Variants in GFRA1 observed in about 807,000 individuals in gnomAD.
The protein encoded by GFRA1 is GDNF family receptor alpha-1.
A neutral mutation model predicts 51.6 loss-of-function variants in GFRA1; 16 were observed. The ratio of observed to expected loss-of-function variants is 0.31; its 90% CI spans 0.21 to 0.47. The LOEUF is 0.47. Ranked by LOEUF, GFRA1 falls within the 20% of genes least tolerant of loss-of-function variation. The probability of loss-of-function intolerance (pLI) is 1.00; values close to 1 mark genes in which losing one functional copy is unlikely to be tolerated. For synonymous variants in GFRA1, 270 were observed against 241.3 expected (o/e 1.12, Z -1.10); for missense variants, 530 against 594.3 (o/e 0.89, Z 1.13).
intron 5 of GFRA1, among the ~76,000 whole-genome samples, chr10:116,175,208 C>T (rs761157916): frequency 1.7e-4 from 26 of 152,316 alleles, no homozygotes; most frequent in Middle Eastern, 3.4e-3. Context: ...CTGCGGCAGC[C>T]GGCAGAAATG....
intron 5 of GFRA1, among the ~76,000 whole-genome samples, chr10:116,189,791 G>C (rs1050949971): frequency 6.6e-6 from 1 of 152,028 alleles, no homozygotes; most frequent in Non-Finnish European, 1.5e-5. Context: ...CTTAGCCAAA[G>C]ACAGAATTTT....
chr10:116,139,325 G>T (rs140763075), intron 5 of GFRA1, among the ~76,000 whole-genome samples: 2,648 of 152,254 alleles, frequency 0.017, 34 homozygotes, highest in Middle Eastern at 0.058. Flanking sequence ...AGATCCCAGG[G>T]CTAAATGAGA....
intron 4 of GFRA1, among the ~76,000 whole-genome samples, chr10:116,242,865 C>A (rs1967520093): frequency 6.6e-6 from 1 of 152,098 alleles, no homozygotes. Context: ...AATATGTTTT[C>A]TTTCTTTTTT....
intron 4 of GFRA1, among the ~76,000 whole-genome samples, chr10:116,259,686 C>T (rs753932545): frequency 6.6e-6 from 1 of 152,120 alleles, no homozygotes; most frequent in Non-Finnish European, 1.5e-5. Context: ...TAGATAGCTC[C>T]TTCTAAATAA....
In GFRA1 at chr10:116,170,356, A is replaced by G. The variant is rs551148845; in HGVS notation, c.433+41275T>C. ...CTCTCTCTGGGTTACACTACTCACA[A>G]ATGTCTTCTCTTTACTTTCAAGTTC... On this transcript the variant is annotated intron_variant, in intron 5 of 10. Coordinates refer to ENST00000355422, the MANE Select transcript of GFRA1 (RefSeq NM_005264.8). Among the ~76,000 whole-genome samples the G allele has an allele frequency of 2.6e-5, 4 of 152,326 alleles. No individual in the cohort carries two copies. In the East Asian group the frequency reaches 5.8e-4, roughly 22 times the overall value.
chr10:116,124,636 A>T (rs1436914435), intron 6 of GFRA1, among the ~76,000 whole-genome samples: 1 of 152,190 alleles, frequency 6.6e-6, no homozygotes, highest in Non-Finnish European at 1.5e-5. Context: ...GCTTTCAACA[A>T]CATCATCCAG....
intron 9 of GFRA1, among the ~76,000 whole-genome samples, chr10:116,073,090 A>G (rs1265932843): frequency 2.6e-5 from 4 of 152,224 alleles, no homozygotes; most frequent in African/African-American, 7.2e-5. Flanking sequence ...TCAAAAATGA[A>G]TGCAATGAAA....
intron 9 of GFRA1, among the ~76,000 whole-genome samples, chr10:116,082,480 T>TTTTTTTTG (rs1955894000): frequency 1.4e-5 from 1 of 71,442 alleles, no homozygotes; most frequent in African/African-American, 2.9e-4. Flanking sequence ...GTTTTTTTTG[T>TTTTTTTTG]TTTTTTTTTG....
chr10:116,180,085 G>A (rs73370454), intron 5 of GFRA1, among the ~76,000 whole-genome samples: 2,827 of 152,252 alleles, frequency 0.019, 91 homozygotes, highest in African/African-American at 0.065. Flanking sequence ...TCCAAACCAT[G>A]CCAGTCAGCA....
intron 4 of GFRA1, among the ~76,000 whole-genome samples, chr10:116,242,300 G>A (rs1967456610): frequency 6.6e-6 from 1 of 152,146 alleles, no homozygotes; most frequent in South Asian, 2.1e-4. Context: ...CAAGTTTAAA[G>A]TTTTGGAAGC....
At chr10:116,142,094 C>T (rs1359418301) in intron 5 of GFRA1, among the ~76,000 whole-genome samples, 2 of 151,094 alleles carry the variant, frequency 1.3e-5, no homozygotes, top group African/African-American at 2.4e-5. Context: ...TCCATTAGTA[C>T]GAATGGTTGC....
intron 5 of GFRA1, among the ~76,000 whole-genome samples, chr10:116,129,005 A>C (rs929810423): frequency 6.6e-6 from 1 of 152,182 alleles, no homozygotes; most frequent in East Asian, 1.9e-4. Context: ...AACTCTTGCC[A>C]GAGCACCATC....
intron 5 of GFRA1, among the ~76,000 whole-genome samples, chr10:116,189,105 A>AT (rs910852462): frequency 2.6e-5 from 4 of 151,486 alleles, no homozygotes; most frequent in Non-Finnish European, 4.4e-5. Context: ...AAAAAAAAAA[A>AT]AAAAAAAGTA....
intron 4 of GFRA1, among the ~76,000 whole-genome samples, chr10:116,242,693 G>A (rs1034596767): frequency 6.6e-6 from 1 of 151,972 alleles, no homozygotes; most frequent in Non-Finnish European, 1.5e-5. Context: ...TGTTGGCCAG[G>A]CTGGTCTTGA....
intron 5 of GFRA1, among the ~76,000 whole-genome samples, chr10:116,142,781 A>G (rs371704985): frequency 1.0e-3 from 152 of 152,356 alleles, no homozygotes; most frequent in African/African-American, 3.5e-3. Flanking sequence ...TAGAAAACCC[A>G]TATTTATCTA....
intron 5 of GFRA1, among the ~76,000 whole-genome samples, chr10:116,169,779 TC>T (rs1960847632): frequency 1.3e-5 from 2 of 152,170 alleles, no homozygotes; most frequent in Non-Finnish European, 2.9e-5. Context: ...ACCTCATTCC[TC>T]TTGGGCACTA....
At chr10:116,246,888 G>A (rs542685219) in intron 4 of GFRA1, among the ~76,000 whole-genome samples, 13 of 152,154 alleles carry the variant, frequency 8.5e-5, no homozygotes, top group South Asian at 2.1e-4. Flanking sequence ...CAATTTCCTC[G>A]ATATGCACAG....
intron 5 of GFRA1, among the ~76,000 whole-genome samples, chr10:116,161,893 G>T (rs1313626683): frequency 2.0e-5 from 3 of 152,154 alleles, no homozygotes; most frequent in Non-Finnish European, 4.4e-5. Context: ...AAAATTATAG[G>T]CCAATGTTCA....
In GFRA1 at chr10:116,169,971, T is replaced by A. The variant is rs1236100121; in HGVS notation, c.433+41660A>T. Among the ~76,000 whole-genome samples the A allele has an allele frequency of 3.9e-5, 6 of 152,244 alleles. No homozygotes were observed. The East Asian group carries it at 9.7e-4, about 25-fold the overall frequency. On this transcript the variant is annotated intron_variant, in intron 5 of 10. Transcript: ENST00000355422. ...TGCTGTGGGCTGGTATGGGGGTTTG[T>A]TCCTGCCAGTGCCCAAAGGCACTCG...
Sources: gnomAD v4.1 joint callset for allele counts (sites outside exome capture counted in the v4.1 genomes callset) on GRCh38, gnomAD v4.1.1 for gene constraint, MANE v1.5 for transcripts, NCBI Gene and HGNC (gene_info 2026-07-23, HGNC 2026-07-21) for gene names.